Variants in DENND11 observed in about 807,000 individuals in gnomAD.
DENND11 encodes DENN domain containing 11.
A neutral mutation model predicts 49.2 loss-of-function variants in DENND11; 34 were observed. That is an observed-to-expected ratio of 0.69 (90% CI 0.53 to 0.92). The LOEUF is 0.92. DENND11 is among the 40% of genes least tolerant of loss of function. The probability of loss-of-function intolerance (pLI) is 0.00; values close to 1 mark genes in which losing one functional copy is unlikely to be tolerated. For synonymous variants in DENND11, 238 were observed against 230.3 expected (o/e 1.03, Z -0.30); for missense variants, 475 against 581.6 (o/e 0.82, Z 1.88).
At position 141,659,035 on chromosome 7, in the gene DENND11, T is replaced by C. The variant is rs1797745802; in HGVS notation, c.*3621A>G. 6.6e-6 allele frequency: 1 copy of C among 152,484 alleles called. No individual in the cohort carries two copies. The allele number at this position is 152,484 out of a possible 1,614,324, so 9.4% of individuals were successfully genotyped here. A position where few individuals can be genotyped will look rare whatever the true frequency, so the allele number is the denominator to read the frequency against. On this transcript the variant is annotated 3_prime_UTR_variant, in exon 9 of 9. Transcript: ENST00000536163. Reference sequence around the variant, plus strand: ...CACATGATCAACAAATGTTCACATGTGGCATCTGGAAGCATGTGCACCTGT... The same window carrying C: ...CACATGATCAACAAATGTTCACATGCGGCATCTGGAAGCATGTGCACCTGT...
At chr7:141,684,955 A>G (rs951272426) in intron 3 of DENND11, among the ~76,000 whole-genome samples, 14 of 142,608 alleles carry the variant, frequency 9.8e-5, no homozygotes, top group Non-Finnish European at 1.5e-4. Flanking sequence ...CAGGAGGATC[A>G]CTTGACTGCA....
At chr7:141,665,797 C>T (rs117373399) in intron 5 of DENND11, among the ~76,000 whole-genome samples, 6 of 152,124 alleles carry the variant, frequency 3.9e-5, no homozygotes, top group Admixed American at 3.3e-4. Flanking sequence ...CCAGCTCAAA[C>T]GCCCACAGGT....
At chr7:141,696,521 T>G (rs1798416544) in intron 1 of DENND11, among the ~76,000 whole-genome samples, 1 of 152,204 alleles carries the variant, frequency 6.6e-6, no homozygotes, top group South Asian at 2.1e-4. Flanking sequence ...GCTCTTCATT[T>G]CCTATCCAGA....
chr7:141,699,474 C>T (rs926477676), intron 1 of DENND11, among the ~76,000 whole-genome samples: 1 of 152,058 alleles, frequency 6.6e-6, no homozygotes, highest in African/African-American at 2.4e-5. Context: ...AAGCAAAGTG[C>T]CATTTAGGAC....
At position 141,666,300 on chromosome 7, in the gene DENND11, C is replaced by G. The variant is rs746591533; in HGVS notation, c.807G>C (p.Val269=). The G allele has an allele frequency of 6.2e-7, 1 of 1,611,738 alleles. No individual in the cohort carries two copies. The highest frequency in any genetic ancestry group is 2.2e-5 in the East Asian group (1 of 44,778). The change falls in exon 5 of 9, where the codon GTG becomes GTC. Residue 269 remains valine, a synonymous_variant. Coordinates refer to ENST00000536163, the MANE Select transcript of DENND11 (RefSeq NM_001080392.2). ...ILIFSPPPVG[V]VCYRVYCCCC... is the part of the protein sequence containing the mutation. ...GCTTCTGGTTACCTCTATAGCACAC[C>G]ACGCCCACAGGTGGGGGAGAAAATA...
At chr7:141,699,911 A>ATCAC (rs1181305778) in intron 1 of DENND11, among the ~76,000 whole-genome samples, 56 of 149,938 alleles carry the variant, frequency 3.7e-4, no homozygotes, top group Admixed American at 1.3e-4. Context: ...TCTGAAAACC[A>ATCAC]TCACTCACAC....
chr7:141,662,485 A>C lies in DENND11; in HGVS notation c.*171T>G. On this transcript the variant is annotated 3_prime_UTR_variant, in exon 9 of 9. Coordinates refer to ENST00000536163, the MANE Select transcript of DENND11 (RefSeq NM_001080392.2). ...CACAAAACCAAGGTGATCTCACCTT[A>C]TCTCTAGGGAAAAGGGCAGAAAGGA... 1 of 473,592 alleles carries C rather than the reference A, an allele frequency of 2.1e-6. No individual in the cohort carries two copies. The highest frequency in any genetic ancestry group is 3.6e-6 in the Non-Finnish European group (1 of 274,652). The allele number at this position is 473,592 out of a possible 1,614,324, so 29.3% of individuals were successfully genotyped here. A position where few individuals can be genotyped will look rare whatever the true frequency, so the allele number is the denominator to read the frequency against.
chr7:141,685,058 A>ATATATATATATT (rs1554410137), intron 3 of DENND11, among the ~76,000 whole-genome samples: 1 of 128,894 alleles, frequency 7.8e-6, no homozygotes, highest in African/African-American at 2.7e-5. Flanking sequence ...ATATATATAT[A>ATATATATATATT]TTTTTAAGTT....
At chr7:141,663,740 C>G (rs1004290760) in intron 8 of DENND11, 1 of 156,938 alleles carries the variant, frequency 6.4e-6, no homozygotes, top group Non-Finnish European at 1.4e-5. Context: ...TGGAAAGGCC[C>G]TGGCTTCTGC....
In DENND11 at chr7:141,685,510, G is replaced by GT. The variant is rs772325289; in HGVS notation, c.494dup (p.Tyr165Ter). The change falls in exon 3 of 9, where the codon TAC becomes TAAC. Residue 165 changes from tyrosine to a stop codon, truncating the protein, a stop_gained and frameshift_variant. Transcript: ENST00000536163. LOFTEE classifies it high-confidence loss of function. ...GILSPSYTLL[Y>*]RYMHFLENQV... ...GGTTCTCCAAGAAGTGCATGTAGCG[G>GT]TAAAGCAGTGTGTAGGAGGGAGAGA... is the stretch of plus-strand genomic sequence containing the variant. The GT allele has an allele frequency of 6.2e-7, 1 of 1,613,972 alleles. No individual in the cohort carries two copies. Among genetic ancestry groups the GT allele is most frequent in the East Asian group, 2.2e-5 (1 of 44,882 alleles).
At position 141,660,475 on chromosome 7, in the gene DENND11, G is replaced by A. The variant is rs1442929015; in HGVS notation, c.*2181C>T. ...CAGAAGCCCTGACTCACCATTCAAAGGAAAAAACAGGAACTTCATTCTCAC... is the reference window on the plus strand; with the variant it reads ...CAGAAGCCCTGACTCACCATTCAAAAGAAAAAACAGGAACTTCATTCTCAC... On this transcript the variant is annotated 3_prime_UTR_variant, in exon 9 of 9. Coordinates refer to ENST00000536163, the MANE Select transcript of DENND11 (RefSeq NM_001080392.2). 4 of 151,976 alleles carry A rather than the reference G, an allele frequency of 2.6e-5. No individual in the cohort carries two copies. In the East Asian group the frequency reaches 5.8e-4, roughly 22 times the overall value. 9.4% of individuals were successfully genotyped at this position (151,976 alleles called of 1,614,324 possible). A position where few individuals can be genotyped will look rare whatever the true frequency, so the allele number is the denominator to read the frequency against.
chr7:141,664,329 CCACCTCCCAGGAAGCAG>C, intron 7 of DENND11, 89 bp from the exon 8 acceptor site: 1 of 968,142 alleles, frequency 1.0e-6, no homozygotes, highest in Middle Eastern at 2.7e-4. Context: ...CAATGGGCCA[CCACCTCCCAGGAAGCAG>C]CACCAGCCAG....
intron 1 of DENND11, among the ~76,000 whole-genome samples, chr7:141,687,631 A>ACTTTTTTTTTTTTTTTT (rs1554410465): frequency 5.3e-5 from 6 of 112,824 alleles, no homozygotes; most frequent in African/African-American, 2.0e-4. Flanking sequence ...CACTCGGCTA[A>ACTTTTTTTTTTTTTTTT]TTTTTTTTTT....
At chr7:141,675,323 C>T (rs1798047426) in intron 3 of DENND11, among the ~76,000 whole-genome samples, 1 of 152,180 alleles carries the variant, frequency 6.6e-6, no homozygotes, top group African/African-American at 2.4e-5. Flanking sequence ...CTGCTGAGAC[C>T]TTGACTTTGG....
Position 141,702,012 on chromosome 7 carries a change from G to T in DENND11, c.142C>A (p.Arg48=). The T allele has an allele frequency of 9.0e-7, 1 of 1,108,266 alleles. No homozygotes were observed. Among genetic ancestry groups the T allele is most frequent in the Non-Finnish European group, 1.1e-6 (1 of 909,568 alleles). 68.7% of individuals were successfully genotyped at this position (1,108,266 alleles called of 1,614,324 possible). ...GCCGGCTCCTCGGGCTCCCGCCTCC[G>T]GGGCGGCTCCGCGGCCGGCCGGGCG... ...GGARPAAEPP[R]RREPEEPAAP... is the part of the protein sequence containing the mutation. Residue 48 remains arginine, a synonymous_variant, in exon 1 of 9, where the codon CGG becomes AGG. Transcript: ENST00000536163.
In DENND11 at chr7:141,662,553, C is replaced by A. The variant is rs1797815185; in HGVS notation, c.*103G>T. The A allele has an allele frequency of 4.1e-6, 3 of 735,778 alleles. No individual in the cohort carries two copies. Among genetic ancestry groups the A allele is most frequent in the South Asian group, 2.6e-5 (1 of 38,272 alleles). 45.6% of individuals were successfully genotyped at this position (735,778 alleles called of 1,614,324 possible). A position where few individuals can be genotyped will look rare whatever the true frequency, so the allele number is the denominator to read the frequency against. On this transcript the variant is annotated 3_prime_UTR_variant, in exon 9 of 9. Transcript: ENST00000536163. ...TTGTTGGAAAGTATAAACAATATTC[C>A]TTTGTGTCAACTTAATAAAAAATGA...
chr7:141,666,362 G>A lies in DENND11; in HGVS notation c.745C>T (p.Leu249Phe). The A allele has an allele frequency of 6.2e-7, 1 of 1,613,396 alleles. No individual in the cohort carries two copies. The highest frequency in any genetic ancestry group is 8.5e-7 in the Non-Finnish European group (1 of 1,179,532). The change falls in exon 5 of 9, where the codon CTC becomes TTC. Residue 249 changes from leucine (L) to phenylalanine (F), a missense_variant. Physicochemically the swap from Leu to Phe is conservative, Grantham distance 22. Transcript: ENST00000536163. ...IKFFGEQILILWKFALLRKRI... is the reference protein window; with the variant it reads ...IKFFGEQILIFWKFALLRKRI... ...TTTCGAAGTAAGGCAAATTTCCAGA[G>A]GATGAGGATCTGTTCTCCAAAGAAC...
rs760502459 is a variant in DENND11, at chr7:141,659,997, C to T, written c.*2659G>A. On this transcript the variant is annotated 3_prime_UTR_variant, in exon 9 of 9. Coordinates refer to ENST00000536163, the MANE Select transcript of DENND11 (RefSeq NM_001080392.2). ...GAATTCCCTAGTAGAGAACTGGTAG[C>T]AAAGGATCCTAGGTTGTGCCTGTTA... 1 of 152,226 alleles carries T rather than the reference C, an allele frequency of 6.6e-6. No homozygotes were observed. Among genetic ancestry groups the T allele is most frequent in the Non-Finnish European group, 1.5e-5 (1 of 68,058 alleles). 9.4% of individuals were successfully genotyped at this position (152,226 alleles called of 1,614,324 possible).
Position 141,664,998 on chromosome 7 carries a change from T to C in DENND11, c.1009A>G (p.Asn337Asp). The change falls in exon 7 of 9, where the codon AAC (asparagine) becomes GAC (aspartate). Residue 337 changes from asparagine to aspartate, a missense_variant. By Grantham distance (23) the Asn-to-Asp change is conservative (BLOSUM62 1). Transcript: ENST00000536163. ...KRELYDVYVDNQNVKTHHDHL... is the reference protein window; with the variant it reads ...KRELYDVYVDDQNVKTHHDHL... Reference sequence around the variant, plus strand: ...TCGTGGTGTGTCTTCACATTCTGGTTATCCACGTAGACGTCATACAGCTCC... The same window carrying C: ...TCGTGGTGTGTCTTCACATTCTGGTCATCCACGTAGACGTCATACAGCTCC... The C allele has an allele frequency of 6.2e-7, 1 of 1,613,944 alleles. No homozygotes were observed. Among genetic ancestry groups the C allele is most frequent in the Non-Finnish European group, 8.5e-7 (1 of 1,179,878 alleles).
Sources: allele counts gnomAD v4.1 joint callset (sites outside exome capture counted in the v4.1 genomes callset), GRCh38; gene constraint gnomAD v4.1.1; transcripts MANE v1.5; gene names NCBI Gene and HGNC (gene_info 2026-07-23, HGNC 2026-07-21).